Variants in IL23R observed in about 807,000 individuals in gnomAD.
IL23R encodes interleukin 23 receptor.
IL23R carries 34 observed loss-of-function variants against 56.9 expected under a neutral mutation model. The ratio of observed to expected loss-of-function variants is 0.60; its 90% CI spans 0.45 to 0.80. IL23R has a LOEUF of 0.80. Among genes scored for constraint, IL23R ranks in the 30% least tolerant of loss-of-function variants. The pLI, the probability that IL23R is intolerant of heterozygous loss-of-function variation, is 0.00. For missense variants in IL23R, 635 were observed against 730.0 expected, an observed-to-expected ratio of 0.87 and a Z score of 1.50; for synonymous variants, 230 against 249.2, an observed-to-expected ratio of 0.92 and a Z score of 0.73.
At chr1:67,243,257 T>C (rs894592135) in intron 9 of IL23R, among the ~76,000 whole-genome samples, 1 of 152,144 alleles carries the variant, frequency 6.6e-6, no homozygotes, top group African/African-American at 2.4e-5. Flanking sequence ...ATGGAGTTTA[T>C]TCAAATTGTA....
chr1:67,188,639 C>A (rs984079869), intron 4 of IL23R, among the ~76,000 whole-genome samples: 3 of 152,140 alleles, frequency 2.0e-5, no homozygotes, highest in African/African-American at 4.8e-5. Context: ...ACCTAGACTG[C>A]GTAATTTGTA....
chr1:67,200,430 G>C (rs1362197521), intron 4 of IL23R, among the ~76,000 whole-genome samples: 3 of 143,296 alleles, frequency 2.1e-5, no homozygotes, highest in Non-Finnish European at 3.0e-5. Context: ...GTCTCACTCT[G>C]TTGCCCAGGC....
At chr1:67,144,606 T>C (rs1193089344) in intron 1 of IL23R, among the ~76,000 whole-genome samples, 2 of 152,240 alleles carry the variant, frequency 1.3e-5, no homozygotes, top group Non-Finnish European at 2.9e-5. Flanking sequence ...TAAATACTGA[T>C]AAATTTTCAT....
At chr1:67,191,747 T>C (rs1647764818) in intron 4 of IL23R, among the ~76,000 whole-genome samples, 1 of 152,228 alleles carries the variant, frequency 6.6e-6, no homozygotes, top group Non-Finnish European at 1.5e-5. Context: ...ATTTCCCCAT[T>C]GCCAGATTGA....
At chr1:67,185,703 T>C (rs1362044830) in intron 4 of IL23R, among the ~76,000 whole-genome samples, 6 of 152,158 alleles carry the variant, frequency 3.9e-5, no homozygotes, top group Admixed American at 3.9e-4. Flanking sequence ...CTAGACAGAT[T>C]TTATGAACAC....
chr1:67,216,571 C>T lies in IL23R; in HGVS notation c.799-3003C>T, dbSNP rs1430248235. ...TGTGTTTGTAGCGTGAAAGCAGTCA[C>T]AGACAATTATGTAAATGAATGGGCA... On this transcript the variant is annotated intron_variant, in intron 6 of 10. Coordinates refer to ENST00000347310, the MANE Select transcript of IL23R (RefSeq NM_144701.3). Among the ~76,000 whole-genome samples the T allele has an allele frequency of 2.6e-5, 4 of 152,156 alleles. No homozygotes were observed. The East Asian group carries it at 7.7e-4, about 29-fold the overall frequency.
At chr1:67,225,732 A>G (rs1558252740) in intron 7 of IL23R, among the ~76,000 whole-genome samples, 1 of 151,112 alleles carries the variant, frequency 6.6e-6, no homozygotes, top group Admixed American at 6.6e-5. Flanking sequence ...CTGGTCTCGA[A>G]CTCCTGACCT....
intron 6 of IL23R, among the ~76,000 whole-genome samples, chr1:67,208,514 G>T (rs1392904534): frequency 6.6e-6 from 1 of 152,188 alleles, no homozygotes; most frequent in Non-Finnish European, 1.5e-5. Context: ...TCCAACCATG[G>T]CTCAAAGGGC....
intron 4 of IL23R, among the ~76,000 whole-genome samples, chr1:67,192,246 T>A (rs1438194053): frequency 6.6e-6 from 1 of 152,232 alleles, no homozygotes; most frequent in African/African-American, 2.4e-5. Context: ...TTATCTGGAT[T>A]ACTGCAGTCC....
At chr1:67,178,833 T>A (rs1240879411) in intron 3 of IL23R, among the ~76,000 whole-genome samples, 6 of 152,230 alleles carry the variant, frequency 3.9e-5, no homozygotes, top group African/African-American at 7.2e-5. Context: ...ATGAAGCTTG[T>A]TGAATTTTGT....
At chr1:67,226,581 A>G (rs974689668) in intron 7 of IL23R, among the ~76,000 whole-genome samples, 28 of 152,204 alleles carry the variant, frequency 1.8e-4, no homozygotes, top group African/African-American at 6.7e-4. Context: ...CTGCTTCTGG[A>G]ACCTGGGGTC....
downstream of IL23R, among the ~76,000 whole-genome samples, chr1:67,260,780 C>T (rs1156286825): frequency 1.3e-5 from 2 of 152,090 alleles, no homozygotes; most frequent in Admixed American, 1.3e-4. Flanking sequence ...GCCTATAGTC[C>T]TAGCTACTCA....
At chr1:67,190,492 C>T (rs1364322170) in intron 4 of IL23R, among the ~76,000 whole-genome samples, 2 of 150,878 alleles carry the variant, frequency 1.3e-5, no homozygotes, top group Non-Finnish European at 2.9e-5. Context: ...CTACTGTAGT[C>T]CCACTATCTT....
chr1:67,172,335 G>T (rs1646953589), intron 3 of IL23R, among the ~76,000 whole-genome samples: 1 of 152,096 alleles, frequency 6.6e-6, no homozygotes, highest in African/African-American at 2.4e-5. Context: ...TTAGACTAGA[G>T]ACAAATTGTA....
At chr1:67,204,693 G>T (rs1648885211) in intron 5 of IL23R, among the ~76,000 whole-genome samples, 1 of 152,106 alleles carries the variant, frequency 6.6e-6, no homozygotes, top group African/African-American at 2.4e-5. Flanking sequence ...TTATGGCCTT[G>T]AGGGTGCTTA....
chr1:67,238,365 G>GAAGAAA (rs1230973339), intron 8 of IL23R, among the ~76,000 whole-genome samples: 1 of 149,288 alleles, frequency 6.7e-6, no homozygotes, highest in Non-Finnish European at 1.5e-5. Flanking sequence ...AGAGGAAAAA[G>GAAGAAA]AAGAAAAAGA....
At chr1:67,195,224 G>A (rs1314198619) in intron 4 of IL23R, among the ~76,000 whole-genome samples, 1 of 152,016 alleles carries the variant, frequency 6.6e-6, no homozygotes, top group Non-Finnish European at 1.5e-5. Flanking sequence ...GTAGAGACAG[G>A]GTTTCACCAC....
intron 6 of IL23R, among the ~76,000 whole-genome samples, chr1:67,219,079 A>G (rs550265762): frequency 1.1e-4 from 17 of 152,084 alleles, no homozygotes; most frequent in African/African-American, 3.6e-4. Context: ...AACATAAAGC[A>G]GTATGGGCTG....
At chr1:67,251,991 G>A (rs1383577002) in intron 9 of IL23R, among the ~76,000 whole-genome samples, 1 of 152,074 alleles carries the variant, frequency 6.6e-6, no homozygotes, top group Non-Finnish European at 1.5e-5. Context: ...TCCCAAGAAT[G>A]TAAAACAAGA....
Sources: allele counts gnomAD v4.1 joint callset (sites outside exome capture counted in the v4.1 genomes callset), GRCh38; gene constraint gnomAD v4.1.1; transcripts MANE v1.5; gene names NCBI Gene and HGNC (gene_info 2026-07-23, HGNC 2026-07-21).